DAB1: variants seen among roughly 807,000 people sequenced by gnomAD.
The protein encoded by DAB1 is DAB adaptor protein 1, also known as disabled homolog 1.
DAB1 carries 15 observed loss-of-function variants against 64.6 expected under a neutral mutation model. The observed-to-expected ratio is 0.23, with a 90% CI of 0.16 to 0.36. The LOEUF (loss-of-function observed/expected upper bound fraction) is 0.36. Among genes scored for constraint, DAB1 ranks in the 10% least tolerant of loss-of-function variants. The pLI is 1.00. For missense variants in DAB1, 596 were observed against 706.7 expected (o/e 0.84, Z 1.78); for synonymous variants, 235 against 251.9 (o/e 0.93, Z 0.64).
intron 7 of DAB1, among the ~76,000 whole-genome samples, chr1:57,474,293 T>A (rs1643905884): frequency 1.3e-5 from 2 of 152,230 alleles, no homozygotes; most frequent in African/African-American, 4.8e-5. Context: ...ATGTTATGAC[T>A]CATGGAATAC....
intron 14 of DAB1, among the ~76,000 whole-genome samples, chr1:57,007,420 C>A (rs186730722): frequency 1.0e-3 from 158 of 152,308 alleles, no homozygotes; most frequent in African/African-American, 2.6e-3. Flanking sequence ...CCTGCCATTC[C>A]CATACCAGTC....
intron 6 of DAB1, among the ~76,000 whole-genome samples, chr1:57,783,307 C>T (rs1650196414): frequency 6.6e-6 from 1 of 151,890 alleles, no homozygotes; most frequent in African/African-American, 2.4e-5. Context: ...TGGGGTTTCA[C>T]CATCTTGCCC....
chr1:57,088,394 G>T (rs531729), intron 4 of DAB1, among the ~76,000 whole-genome samples: 79,537 of 151,992 alleles, frequency 0.52, 21,258 homozygotes, highest in South Asian at 0.64. Flanking sequence ...GTTTCTAAGA[G>T]ATCAAAGCCA....
chr1:57,088,018 C>G (rs1455165281), intron 4 of DAB1, among the ~76,000 whole-genome samples: 1 of 152,204 alleles, frequency 6.6e-6, no homozygotes, highest in Non-Finnish European at 1.5e-5. Flanking sequence ...TTCGCTAGGC[C>G]TCAACCTTGG....
At chr1:57,268,348 G>A (rs1670740813) in intron 2 of DAB1, among the ~76,000 whole-genome samples, 1 of 152,198 alleles carries the variant, frequency 6.6e-6, no homozygotes, top group African/African-American at 2.4e-5. Context: ...GATATTTTCT[G>A]TTTGTTAACC....
intron 7 of DAB1, among the ~76,000 whole-genome samples, chr1:57,620,088 TC>T (rs1298572626): frequency 6.6e-6 from 1 of 152,162 alleles, no homozygotes; most frequent in East Asian, 1.9e-4. Context: ...CCATGGTCAT[TC>T]CCTCCAGAGC....
intron 3 of DAB1, among the ~76,000 whole-genome samples, chr1:58,349,310 C>A (rs547987427): frequency 6.6e-6 from 1 of 152,278 alleles, no homozygotes; most frequent in African/African-American, 2.4e-5. Context: ...TCCCAGGATG[C>A]AAGTCACTGA....
chr1:57,993,112 T>C (rs953603728), intron 5 of DAB1, among the ~76,000 whole-genome samples: 1 of 152,176 alleles, frequency 6.6e-6, no homozygotes, highest in Non-Finnish European at 1.5e-5. Flanking sequence ...TGACCCTCAC[T>C]TAACACTTTC....
intron 1 of DAB1, among the ~76,000 whole-genome samples, chr1:57,869,520 C>G (rs773964289): frequency 6.6e-6 from 1 of 152,088 alleles, no homozygotes; most frequent in Non-Finnish European, 1.5e-5. Flanking sequence ...CTACTCTGAG[C>G]TCCTCATTTT....
intron 7 of DAB1, among the ~76,000 whole-genome samples, chr1:57,476,249 A>G (rs974143831): frequency 1.3e-5 from 2 of 151,436 alleles, no homozygotes; most frequent in Non-Finnish European, 2.9e-5. Flanking sequence ...AACAAAAAAC[A>G]AAAACAAAAA....
At chr1:57,569,952 A>C (rs563786632) in intron 7 of DAB1, among the ~76,000 whole-genome samples, 13 of 152,054 alleles carry the variant, frequency 8.5e-5, no homozygotes, top group Non-Finnish European at 1.5e-4. Flanking sequence ...TTATTTGAAG[A>C]TTATGTATGA....
intron 9 of DAB1, chr1:57,033,346 A>T: frequency 6.2e-7 from 1 of 1,601,540 alleles, no homozygotes; most frequent in Non-Finnish European, 8.6e-7. Flanking sequence ...CATGAGTATG[A>T]GCAGAACAAC....
intron 7 of DAB1, among the ~76,000 whole-genome samples, chr1:57,560,503 T>G (rs1418137294): frequency 6.6e-6 from 1 of 152,186 alleles, no homozygotes; most frequent in Non-Finnish European, 1.5e-5. Flanking sequence ...TTGCTGCCAT[T>G]TGGCCCCTCC....
rs1200174910 is a variant in DAB1 at position 57,015,164 on chromosome 1, G to T, written c.1163C>A (p.Ala388Asp). The change falls in exon 12 of 15, where the codon GCC (alanine) becomes GAC (aspartate). Residue 388 changes from alanine to aspartate, a missense_variant. By Grantham distance (126) the Ala-to-Asp change is moderately radical (BLOSUM62 -2). This residue lies in a region of DAB1 where 377 missense variants were observed against 400.4 expected (regional missense o/e 0.94). Transcript: ENST00000371236. ...AMFQGPLTPLATVPGTSDSTR... is the reference protein window; with the variant it reads ...AMFQGPLTPLDTVPGTSDSTR... ...GGAGTCACTCGTGCCTGGGACGGTG[G>T]CAAGGGGGGTGAGGGGACCTTGGAA... 1 of 1,614,158 alleles carries T rather than the reference G, an allele frequency of 6.2e-7. No individual in the cohort carries two copies.
chr1:57,071,864 C>T (rs1335917215), intron 5 of DAB1, among the ~76,000 whole-genome samples: 1 of 152,034 alleles, frequency 6.6e-6, no homozygotes, highest in Non-Finnish European at 1.5e-5. Context: ...TAATCATAAG[C>T]ATAAAAGGCA....
chr1:57,200,169 C>T (rs1664976455), intron 2 of DAB1, among the ~76,000 whole-genome samples: 1 of 152,192 alleles, frequency 6.6e-6, no homozygotes. Flanking sequence ...CCTGTCTCTC[C>T]CTTACCATCT....
At chr1:57,906,732 G>T (rs1644556822) in intron 5 of DAB1, among the ~76,000 whole-genome samples, 1 of 152,132 alleles carries the variant, frequency 6.6e-6, no homozygotes, top group African/African-American at 2.4e-5. Flanking sequence ...AGAGAACCTT[G>T]TTATGTTAAG....
intron 5 of DAB1, among the ~76,000 whole-genome samples, chr1:57,980,595 C>A (rs1482131578): frequency 1.3e-5 from 2 of 152,138 alleles, no homozygotes; most frequent in African/African-American, 2.4e-5. Flanking sequence ...CCCATAACAG[C>A]AAGGAACTCC....
At chr1:57,419,286 A>G (rs528724973) in intron 1 of DAB1, among the ~76,000 whole-genome samples, 1 of 152,204 alleles carries the variant, frequency 6.6e-6, no homozygotes, top group Non-Finnish European at 1.5e-5. Flanking sequence ...TCTGGGCTGT[A>G]AAGTTACGTA....
Sources: allele counts gnomAD v4.1 joint callset (sites outside exome capture counted in the v4.1 genomes callset), GRCh38; gene constraint gnomAD v4.1.1; regional missense constraint gnomAD v4.1.1; transcripts MANE v1.5; gene names NCBI Gene and HGNC (gene_info 2026-07-23, HGNC 2026-07-21).